The following DNAL1 variants were observed in gnomAD, a reference collection of about 807,000 sequenced individuals.
DNAL1 encodes the protein dynein axonemal light chain 1.
In DNAL1, 17 loss-of-function variants were observed where a neutral mutation model predicts 29.4. The ratio of observed to expected loss-of-function variants is 0.58; its 90% CI spans 0.40 to 0.87. The LOEUF is 0.87. DNAL1 is among the 40% of genes least tolerant of loss of function. The probability of loss-of-function intolerance (pLI) is 0.00; values close to 1 mark genes in which losing one functional copy is unlikely to be tolerated. For synonymous variants in DNAL1, 78 were observed against 76.3 expected (o/e 1.02, Z -0.12); for missense variants, 188 against 214.1 (o/e 0.88, Z 0.76).
At position 73,697,856 on chromosome 14, in the gene DNAL1, T is replaced by A. The variant is rs1223366548; in HGVS notation, c.*1914T>A. The A allele has an allele frequency of 6.6e-6, 1 of 152,180 alleles. No homozygotes were observed. Among genetic ancestry groups the A allele is most frequent in the East Asian group, 1.9e-4 (1 of 5,204 alleles). The allele number at this position is 152,180 out of a possible 1,614,324, so 9.4% of individuals were successfully genotyped here. On this transcript the variant is annotated 3_prime_UTR_variant, in exon 8 of 8. Coordinates refer to ENST00000553645, the MANE Select transcript of DNAL1 (RefSeq NM_031427.4). ...AAACCTTATTCTACTCTAGCTGGTT[T>A]ATGCATTCAAAGCCTTTGGACATTT... is the stretch of plus-strand genomic sequence containing the variant.
At chr14:73,655,655 CT>C (rs930457288) in intron 2 of DNAL1, among the ~76,000 whole-genome samples, 30 of 151,924 alleles carry the variant, frequency 2.0e-4, no homozygotes, top group Non-Finnish European at 8.8e-5. Flanking sequence ...CCTACATTTT[CT>C]TTTTCAACTG....
rs1892479031 is a variant in DNAL1 at position 73,703,224 on chromosome 14, T to G, written c.*7282T>G. The G allele has an allele frequency of 1.3e-5, 2 of 152,232 alleles. No individual in the cohort carries two copies. The highest frequency in any genetic ancestry group is 2.9e-5 in the Non-Finnish European group (2 of 68,038). 9.4% of individuals were successfully genotyped at this position (152,232 alleles called of 1,614,324 possible). A position where few individuals can be genotyped will look rare whatever the true frequency, so the allele number is the denominator to read the frequency against. On this transcript the variant is annotated 3_prime_UTR_variant, in exon 8 of 8. Coordinates refer to ENST00000553645, the MANE Select transcript of DNAL1 (RefSeq NM_031427.4). ...TTTCCTAGAACAAAGGATGGACATT[T>G]AGGATCCTCACATTGATTTATGTCA...
In DNAL1 at chr14:73,692,338, TG is replaced by T. The variant is rs1483198466; in HGVS notation, c.532+2824del. Among the ~76,000 whole-genome samples, 1,222 of 151,904 alleles carry T rather than the reference TG, an allele frequency of 8.0e-3. 21 individuals carry two copies. The highest frequency in any genetic ancestry group is 0.028 in the African/African-American group (1,158 of 41,452). ...CTCTACTAAAAATACAAAAATTAGCTGCGTGTGGTGGCAGGCGCCTATAATC... is the reference window on the plus strand; with the variant it reads ...CTCTACTAAAAATACAAAAATTAGCTCGTGTGGTGGCAGGCGCCTATAATC... On this transcript the variant is annotated intron_variant, in intron 7 of 7. Transcript: ENST00000553645.
intron 5 of DNAL1, among the ~76,000 whole-genome samples, chr14:73,681,179 G>T (rs1434485045): frequency 6.6e-6 from 1 of 151,476 alleles, no homozygotes; most frequent in Non-Finnish European, 1.5e-5. Flanking sequence ...TGTCACTGAG[G>T]CTGGAGTGCA....
intron 2 of DNAL1, among the ~76,000 whole-genome samples, chr14:73,655,966 TACAA>T (rs1891208427): frequency 6.6e-6 from 1 of 152,204 alleles, no homozygotes; most frequent in African/African-American, 2.4e-5. Flanking sequence ...TTCTATAGAG[TACAA>T]AGATGGCTCC....
intron 1 of DNAL1, among the ~76,000 whole-genome samples, chr14:73,653,434 C>A (rs1046714316): frequency 6.6e-6 from 1 of 152,144 alleles, no homozygotes; most frequent in Non-Finnish European, 1.5e-5. Flanking sequence ...TCACTGTAAC[C>A]TCGAACTCTT....
At chr14:73,649,793 A>G (rs1891072199) in intron 1 of DNAL1, among the ~76,000 whole-genome samples, 1 of 151,984 alleles carries the variant, frequency 6.6e-6, no homozygotes, top group Admixed American at 6.6e-5. Flanking sequence ...CTTGGTATTC[A>G]TGTGGGATTG....
rs1892370659 is a variant in DNAL1, at chr14:73,699,144, A to C, written c.*3202A>C. The C allele has an allele frequency of 6.6e-6, 1 of 152,248 alleles. No individual in the cohort carries two copies. Among genetic ancestry groups the C allele is most frequent in the Middle Eastern group, 3.4e-3 (1 of 294 alleles). The allele number at this position is 152,248 out of a possible 1,614,324, so 9.4% of individuals were successfully genotyped here. A position where few individuals can be genotyped will look rare whatever the true frequency, so the allele number is the denominator to read the frequency against. On this transcript the variant is annotated 3_prime_UTR_variant, in exon 8 of 8. Coordinates refer to ENST00000553645, the MANE Select transcript of DNAL1 (RefSeq NM_031427.4). ...TCCCTTGGGTAGGAGGGTGGGAACAAATTCTCCCTTAGTTGTACTTTTTAT... is the reference window on the plus strand; with the variant it reads ...TCCCTTGGGTAGGAGGGTGGGAACACATTCTCCCTTAGTTGTACTTTTTAT...
At chr14:73,694,544 A>ATTT (rs5809625) in intron 7 of DNAL1, among the ~76,000 whole-genome samples, 33,600 of 150,778 alleles carry the variant, frequency 0.22, 4,845 homozygotes, top group Non-Finnish European at 0.33. Context: ...CTCTACAGTG[A>ATTT]TTTTTTTTTC....
chr14:73,655,324 ATTTTCT>A (rs977760768), intron 2 of DNAL1, among the ~76,000 whole-genome samples: 8 of 148,592 alleles, frequency 5.4e-5, no homozygotes, highest in East Asian at 2.0e-4. Flanking sequence ...GTGTTAGTAC[ATTTTCT>A]TTTTCTTTTT....
intron 7 of DNAL1, among the ~76,000 whole-genome samples, chr14:73,693,124 G>A (rs1454102224): frequency 2.6e-5 from 4 of 152,218 alleles, no homozygotes; most frequent in South Asian, 2.1e-4. Context: ...GTGAGCCACC[G>A]CGCCCAGCCT....
At chr14:73,647,201 A>T (rs1890995397) in intron 1 of DNAL1, among the ~76,000 whole-genome samples, 1 of 151,704 alleles carries the variant, frequency 6.6e-6, no homozygotes, top group Non-Finnish European at 1.5e-5. Context: ...TACTAAAAAT[A>T]GAAAAAAAAA....
At chr14:73,689,596 A>G (rs572609061) in intron 7 of DNAL1, 81 bp downstream of exon 7, 3 of 1,539,226 alleles carry the variant, frequency 1.9e-6, no homozygotes, top group African/African-American at 2.7e-5. Flanking sequence ...AAGAGGAGAA[A>G]AACTAAAGAA....
chr14:73,676,634 A>G (rs1429145038), intron 5 of DNAL1, among the ~76,000 whole-genome samples: 2 of 152,124 alleles, frequency 1.3e-5, no homozygotes, highest in South Asian at 2.1e-4. Context: ...AACTATTCCT[A>G]TACTGCTGGG....
At position 73,700,770 on chromosome 14, in the gene DNAL1, T is replaced by G. The variant is rs1461357889; in HGVS notation, c.*4828T>G. On this transcript the variant is annotated 3_prime_UTR_variant, in exon 8 of 8. Transcript: ENST00000553645. ...TAGAAATTCATTCCTTTGGCACAGATTTTATTTATTTGGGGCTGTTTAATG... is the reference window on the plus strand; with the variant it reads ...TAGAAATTCATTCCTTTGGCACAGAGTTTATTTATTTGGGGCTGTTTAATG... 1 of 152,210 alleles carries G rather than the reference T, an allele frequency of 6.6e-6. No individual in the cohort carries two copies. Among genetic ancestry groups the G allele is most frequent in the Admixed American group, 6.5e-5 (1 of 15,278 alleles). The allele number at this position is 152,210 out of a possible 1,614,324, so 9.4% of individuals were successfully genotyped here.
chr14:73,669,570 C>T (rs564361537), intron 4 of DNAL1, among the ~76,000 whole-genome samples: 10 of 152,270 alleles, frequency 6.6e-5, no homozygotes, highest in Non-Finnish European at 1.2e-4. Context: ...CCACCACGCC[C>T]GGTCTAAATT....
rs8011104 is a variant in DNAL1 at position 73,683,233 on chromosome 14, T to C, written c.265-4026T>C. On this transcript the variant is annotated intron_variant, in intron 5 of 7. Transcript: ENST00000553645. ...GTATATCTTAAATAACTATAAAAAG[T>C]ATAGTAAACACATAAACCAGTAATA... is the stretch of plus-strand genomic sequence containing the variant. Among the ~76,000 whole-genome samples the C allele has an allele frequency of 6.7e-3, 1,014 of 152,240 alleles. 16 individuals are homozygous for C. Among genetic ancestry groups the C allele is most frequent in the African/African-American group, 0.023 (951 of 41,536 alleles).
chr14:73,688,806 C>G (rs1229794938), intron 6 of DNAL1, among the ~76,000 whole-genome samples: 1 of 152,056 alleles, frequency 6.6e-6, no homozygotes. Context: ...GACTTTGAAT[C>G]TCATCTCGTC....
At chr14:73,651,565 T>C (rs918796461) in intron 1 of DNAL1, among the ~76,000 whole-genome samples, 40 of 152,316 alleles carry the variant, frequency 2.6e-4, no homozygotes, top group Middle Eastern at 3.4e-3. Context: ...ATTTTCTTGA[T>C]TCTTATGACA....
Sources: gnomAD v4.1 joint callset for allele counts (sites outside exome capture counted in the v4.1 genomes callset) on GRCh38, gnomAD v4.1.1 for gene constraint, MANE v1.5 for transcripts, NCBI Gene and HGNC (gene_info 2026-07-23, HGNC 2026-07-21) for gene names.